BRINP3: variants seen among roughly 807,000 people sequenced by gnomAD.
BRINP3 encodes BMP/retinoic acid inducible neural specific 3.
Under a neutral mutation model 71.0 loss-of-function variants are expected in BRINP3, and 19 were observed. The observed-to-expected ratio is 0.27, with a 90% confidence interval of 0.19 to 0.39. The LOEUF (loss-of-function observed/expected upper bound fraction) is 0.39. BRINP3 is among the 10% of genes least tolerant of loss of function. The probability of loss-of-function intolerance (pLI) is 1.00; values close to 1 mark genes in which losing one functional copy is unlikely to be tolerated. For synonymous variants in BRINP3, 380 were observed against 337.7 expected, an observed-to-expected ratio of 1.13 and a Z score of -1.37; for missense variants, 959 against 940.8, an observed-to-expected ratio of 1.02 and a Z score of -0.25.
At chr1:190,175,852 AT>A (rs1652457944) in intron 6 of BRINP3, among the ~76,000 whole-genome samples, 1 of 152,074 alleles carries the variant, frequency 6.6e-6, no homozygotes, top group Non-Finnish European at 1.5e-5. Flanking sequence ...AAAACAATTT[AT>A]TTCTTTCTCA....
intron 2 of BRINP3, among the ~76,000 whole-genome samples, chr1:190,301,599 A>G (rs939709431): frequency 1.3e-5 from 2 of 151,742 alleles, no homozygotes; most frequent in African/African-American, 4.8e-5. Flanking sequence ...TTTAAAGTAT[A>G]TACAATATTG....
intron 2 of BRINP3, among the ~76,000 whole-genome samples, chr1:190,442,773 C>T (rs1558290490): frequency 7.1e-6 from 1 of 141,142 alleles, no homozygotes; most frequent in African/African-American, 2.7e-5. Flanking sequence ...TGTGTGGTTA[C>T]TTTGTGTGTA....
chr1:190,127,864 G>A (rs1312491464), intron 7 of BRINP3, among the ~76,000 whole-genome samples: 3 of 151,654 alleles, frequency 2.0e-5, no homozygotes, highest in African/African-American at 4.8e-5. Flanking sequence ...ATGTTACATC[G>A]CTGAAAACCT....
intron 2 of BRINP3, among the ~76,000 whole-genome samples, chr1:190,444,667 T>C (rs1558292602): frequency 6.6e-6 from 1 of 152,106 alleles, no homozygotes; most frequent in Non-Finnish European, 1.5e-5. Context: ...CCTGAGTACC[T>C]GGGATTTACA....
At chr1:190,321,600 A>C (rs1666250105) in intron 2 of BRINP3, among the ~76,000 whole-genome samples, 1 of 152,098 alleles carries the variant, frequency 6.6e-6, no homozygotes, top group South Asian at 2.1e-4. Flanking sequence ...AAAGCTTTTC[A>C]GTTTCACTGG....
intron 2 of BRINP3, among the ~76,000 whole-genome samples, chr1:190,412,353 A>G (rs939132661): frequency 1.2e-4 from 18 of 148,874 alleles, no homozygotes; most frequent in African/African-American, 4.2e-4. Flanking sequence ...AAATAATAGC[A>G]TGGATAAAAA....
intron 6 of BRINP3, among the ~76,000 whole-genome samples, chr1:190,197,624 T>A (rs2102597970): frequency 6.6e-6 from 1 of 152,254 alleles, no homozygotes; most frequent in Non-Finnish European, 1.5e-5. Context: ...CAAAATGATC[T>A]CTTTTGGCTC....
At chr1:190,416,059 G>T (rs1672986783) in intron 2 of BRINP3, among the ~76,000 whole-genome samples, 1 of 152,034 alleles carries the variant, frequency 6.6e-6, no homozygotes, top group South Asian at 2.1e-4. Context: ...GGTCCCCCTT[G>T]AATGCCTTTT....
intron 2 of BRINP3, among the ~76,000 whole-genome samples, chr1:190,434,372 G>T (rs1674311747): frequency 6.6e-6 from 1 of 151,936 alleles, no homozygotes; most frequent in Non-Finnish European, 1.5e-5. Context: ...GGCTTCCCAA[G>T]GTGCTAAGAT....
chr1:190,296,727 T>A (rs1374007366), intron 2 of BRINP3, among the ~76,000 whole-genome samples: 1 of 152,002 alleles, frequency 6.6e-6, no homozygotes, highest in African/African-American at 2.4e-5. Context: ...AAACTCAACA[T>A]ACAAAAATCA....
intron 2 of BRINP3, among the ~76,000 whole-genome samples, chr1:190,298,681 A>T (rs1664438491): frequency 6.6e-6 from 1 of 152,028 alleles, no homozygotes; most frequent in South Asian, 2.1e-4. Flanking sequence ...AATTATGGTC[A>T]TAGAATATAC....
intron 2 of BRINP3, among the ~76,000 whole-genome samples, chr1:190,419,869 A>G (rs1179342692): frequency 6.6e-6 from 1 of 151,808 alleles, no homozygotes; most frequent in Non-Finnish European, 1.5e-5. Context: ...ATTAGAAAAA[A>G]AAAATACTCC....
rs1362309859 is a variant in BRINP3 at position 190,301,378 on chromosome 1, C to A, written c.237-19628G>T. Among the ~76,000 whole-genome samples, 5 of 150,026 alleles carry A rather than the reference C, an allele frequency of 3.3e-5. No individual in the cohort carries two copies. The East Asian group carries it at 9.8e-4, about 29-fold the overall frequency. On this transcript the variant is annotated intron_variant, in intron 2 of 7. Coordinates refer to ENST00000367462, the MANE Select transcript of BRINP3 (RefSeq NM_199051.3). ...TGTGTTTAATATTTCCTCTAAATTCCTTTTGAACAGTGAAAATAGTGTTAT... is the reference window on the plus strand; with the variant it reads ...TGTGTTTAATATTTCCTCTAAATTCATTTTGAACAGTGAAAATAGTGTTAT...
chr1:190,440,042 G>A (rs1435116248), intron 2 of BRINP3, among the ~76,000 whole-genome samples: 1 of 151,802 alleles, frequency 6.6e-6, no homozygotes, highest in African/African-American at 2.4e-5. Flanking sequence ...CAGATTTTTA[G>A]AAAGGTACAA....
chr1:190,301,183 A>G (rs1215031877), intron 2 of BRINP3, among the ~76,000 whole-genome samples: 2 of 113,640 alleles, frequency 1.8e-5, no homozygotes, highest in Non-Finnish European at 3.6e-5. Context: ...ATACATATAT[A>G]TATGTATATA....
At chr1:190,162,229 T>C (rs547480013) in intron 6 of BRINP3, among the ~76,000 whole-genome samples, 1 of 151,924 alleles carries the variant, frequency 6.6e-6, no homozygotes, top group East Asian at 1.9e-4. Flanking sequence ...TTTTGCTCGT[T>C]ATCCAGGCTA....
chr1:190,277,620 T>A (rs990277688), intron 3 of BRINP3, among the ~76,000 whole-genome samples: 6 of 151,764 alleles, frequency 4.0e-5, no homozygotes, highest in Admixed American at 6.6e-5. Flanking sequence ...GCCCACCAAT[T>A]TTAAAGTCAT....
chr1:190,206,961 G>C (rs1161365809), intron 6 of BRINP3, among the ~76,000 whole-genome samples: 1 of 149,434 alleles, frequency 6.7e-6, no homozygotes, highest in Non-Finnish European at 1.5e-5. Flanking sequence ...ACAATATCAT[G>C]TTTGGGTTTT....
chr1:190,297,612 C>T (rs987332738), intron 2 of BRINP3, among the ~76,000 whole-genome samples: 1 of 151,708 alleles, frequency 6.6e-6, no homozygotes, highest in Non-Finnish European at 1.5e-5. Flanking sequence ...CACCAAATGC[C>T]TTTTTTCTGG....
Sources: gnomAD v4.1 joint callset for allele counts (sites outside exome capture counted in the v4.1 genomes callset) on GRCh38, gnomAD v4.1.1 for gene constraint, MANE v1.5 for transcripts, NCBI Gene and HGNC (gene_info 2026-07-23, HGNC 2026-07-21) for gene names.